The following IAH1 variants were observed in gnomAD, a reference collection of about 807,000 sequenced individuals.
IAH1 encodes isoamyl acetate hydrolyzing esterase 1 (putative).
A neutral mutation model predicts 26.7 loss-of-function variants in IAH1; 24 were observed. That is an observed-to-expected ratio of 0.90 (90% CI 0.65 to 1.26). The LOEUF is 1.26. Ranked by LOEUF, IAH1 falls within the 50% of genes most tolerant of loss-of-function variation. IAH1 has a pLI of 0.00. For synonymous variants in IAH1, 140 were observed against 118.5 expected (o/e 1.18, Z -1.18); for missense variants, 300 against 299.9 (o/e 1.00, Z 0.00).
At chr2:9,476,095 C>T (rs1396519935) in intron 2 of IAH1, 56 bp downstream of exon 2, 10 of 1,428,288 alleles carry the variant, frequency 7.0e-6, no homozygotes, top group Admixed American at 6.8e-5. Context: ...CTTAGGGATC[C>T]GTCTTATGGA....
the IAH1 span, chr2:9,502,350 G>T: frequency 3.2e-6 from 4 of 1,265,518 alleles, no homozygotes; most frequent in Non-Finnish European, 3.4e-6. Context: ...CTACAGTTAC[G>T]TTACAGTGAC....
In IAH1 at chr2:9,481,312, C is replaced by T. The variant is rs1193127695; in HGVS notation, c.310C>T (p.Leu104=). The part of the protein sequence containing the change: ...KDENPKQHIP[L]EEYAANLKSM... ...TGAGAATCCCAAGCAGCACATTCCCCTGGAGGAGTACGCTGCGAACCTAAA... is the reference window on the plus strand; with the variant it reads ...TGAGAATCCCAAGCAGCACATTCCCTTGGAGGAGTACGCTGCGAACCTAAA... The change falls in exon 4 of 6, where the codon CTG becomes TTG. Residue 104 remains leucine, a synonymous_variant. Transcript: ENST00000497473. 5.0e-6 allele frequency: 8 copies of T among 1,614,100 alleles called. No individual in the cohort carries two copies. Among genetic ancestry groups the T allele is most frequent in the Non-Finnish European group, 6.8e-6 (8 of 1,180,042 alleles).
At chr2:9,490,052 C>T, downstream of IAH1, 1 of 930,572 alleles carries the variant, frequency 1.1e-6, no homozygotes, top group South Asian at 1.9e-5. Flanking sequence ...GCAGGAAGTT[C>T]AAACACATGA....
At chr2:9,497,659 G>A (rs2124978162), downstream of IAH1, among the ~76,000 whole-genome samples, 1 of 152,320 alleles carries the variant, frequency 6.6e-6, no homozygotes, top group South Asian at 2.1e-4. Context: ...CTTTGGCTAT[G>A]ACAACCTCCA....
At chr2:9,490,296 T>C (rs771710782), downstream of IAH1, 13 of 1,614,218 alleles carry the variant, frequency 8.1e-6, no homozygotes, top group African/African-American at 1.3e-5. Flanking sequence ...GCAGCTGTGC[T>C]GCTATTTGGG....
downstream of IAH1, chr2:9,497,006 G>A: frequency 6.7e-7 from 1 of 1,502,728 alleles, no homozygotes; most frequent in East Asian, 2.3e-5. Flanking sequence ...TCCTCGGCTT[G>A]GATCTCACCA....
At chr2:9,508,241 T>C in the IAH1 span, among the ~76,000 whole-genome samples, 1 of 152,218 alleles carries the variant, frequency 6.6e-6, no homozygotes, top group South Asian at 2.1e-4. Flanking sequence ...TCACATATTT[T>C]ACAGTTTCTA....
At chr2:9,498,828 A>G (rs749469561), downstream of IAH1, among the ~76,000 whole-genome samples, 32 of 152,252 alleles carry the variant, frequency 2.1e-4, no homozygotes, top group Non-Finnish European at 4.3e-4. Context: ...TGCTCAATAA[A>G]TATCTGTTGA....
At chr2:9,490,782 C>G (rs1044179948), downstream of IAH1, among the ~76,000 whole-genome samples, 1 of 152,134 alleles carries the variant, frequency 6.6e-6, no homozygotes, top group Non-Finnish European at 1.5e-5. Flanking sequence ...TTTGAAGACC[C>G]AAAAGAGGAT....
chr2:9,506,524 G>A, the IAH1 span, among the ~76,000 whole-genome samples: 10 of 151,956 alleles, frequency 6.6e-5, no homozygotes, highest in African/African-American at 1.4e-4. Context: ...ATGCCACCAC[G>A]CCCAGCTAAT....
downstream of IAH1, among the ~76,000 whole-genome samples, chr2:9,497,869 A>G (rs558730457): frequency 5.1e-4 from 78 of 152,004 alleles, no homozygotes; most frequent in African/African-American, 1.8e-3. Context: ...CCTTCATTGC[A>G]TATGTTTTGC....
chr2:9,479,286 C>G (rs1199649084), intron 3 of IAH1, among the ~76,000 whole-genome samples: 1 of 149,722 alleles, frequency 6.7e-6, no homozygotes, highest in Non-Finnish European at 1.5e-5. Flanking sequence ...AAAAACACTT[C>G]CTAAGTATAA....
exon 6 of IAH1, chr2:9,494,761 T>C: frequency 6.2e-7 from 1 of 1,613,886 alleles, no homozygotes. Flanking sequence ...GCAGGAGTTG[T>C]CAGTTTCTGG....
Position 9,484,469 on chromosome 2 carries a change from A to ATATGCC in IAH1, c.484_489dup (p.Tyr162_Ala163dup). 3.7e-6 allele frequency: 6 copies of ATATGCC among 1,614,216 alleles called. No individual in the cohort carries two copies. Among genetic ancestry groups the ATATGCC allele is most frequent in the Non-Finnish European group, 5.1e-6 (6 of 1,180,022 alleles). The stretch of plus-strand genomic sequence containing the variant: ...ATCGCCTGAACTCTGTTGTTGGTGA[A>ATATGCC]TATGCCAATGCGTGTTTACAAGTGG... On this transcript the variant is annotated inframe_insertion, in exon 5 of 6. Transcript: ENST00000497473.
downstream of IAH1, among the ~76,000 whole-genome samples, chr2:9,491,358 G>GAAAT (rs1015781410): frequency 3.9e-5 from 6 of 152,202 alleles, no homozygotes; most frequent in African/African-American, 1.4e-4. Flanking sequence ...GCACTCAAAG[G>GAAAT]AAATACATTT....
chr2:9,492,017 C>T (rs1422146622), downstream of IAH1, among the ~76,000 whole-genome samples: 1 of 152,222 alleles, frequency 6.6e-6, no homozygotes, highest in Admixed American at 6.5e-5. Flanking sequence ...CCCTAGAGAT[C>T]TTCCTATACC....
chr2:9,477,031 G>C (rs1162608421), intron 2 of IAH1, among the ~76,000 whole-genome samples: 1 of 152,124 alleles, frequency 6.6e-6, no homozygotes, highest in Non-Finnish European at 1.5e-5. Context: ...ACAGGCACTC[G>C]CTACCACACC....
chr2:9,494,632 C>T (rs2124966714), downstream of IAH1: 1 of 1,613,500 alleles, frequency 6.2e-7, no homozygotes, highest in Non-Finnish European at 8.5e-7. Flanking sequence ...TACATAAATA[C>T]TCACATTCAT....
intron 3 of IAH1, among the ~76,000 whole-genome samples, chr2:9,480,181 A>T (rs1019675284): frequency 6.6e-6 from 1 of 152,112 alleles, no homozygotes; most frequent in Admixed American, 6.5e-5. Context: ...TCACCCTACA[A>T]CTAAATTTCA....
Sources: gnomAD v4.1 joint callset for allele counts (sites outside exome capture counted in the v4.1 genomes callset) on GRCh38, gnomAD v4.1.1 for gene constraint, MANE v1.5 for transcripts, NCBI Gene and HGNC (gene_info 2026-07-23, HGNC 2026-07-21) for gene names.